Variants in MACROD2 observed in about 807,000 individuals in gnomAD.
MACROD2 encodes ADP-ribose glycohydrolase MACROD2.
In MACROD2, 36 loss-of-function variants were observed where a neutral mutation model predicts 70.4. The ratio of observed to expected loss-of-function variants is 0.51; its 90% CI spans 0.39 to 0.68. The LOEUF (loss-of-function observed/expected upper bound fraction) is 0.68. Among genes scored for constraint, MACROD2 ranks in the 30% least tolerant of loss-of-function variants. The pLI is 0.00. For missense variants in MACROD2, 496 were observed against 538.4 expected, an observed-to-expected ratio of 0.92 and a Z score of 0.78; for synonymous variants, 172 against 178.8, an observed-to-expected ratio of 0.96 and a Z score of 0.30.
chr20:14,321,501 C>T (rs192396380), intron 3 of MACROD2, among the ~76,000 whole-genome samples: 3 of 152,174 alleles, frequency 2.0e-5, no homozygotes, highest in East Asian at 3.9e-4. Flanking sequence ...ACAAAAAGTA[C>T]GGTGTTTGTA....
intron 5 of MACROD2, among the ~76,000 whole-genome samples, chr20:15,110,106 G>A (rs1018367383): frequency 6.6e-6 from 1 of 152,136 alleles, no homozygotes; most frequent in Non-Finnish European, 1.5e-5. Context: ...TAGTGAGTGA[G>A]TGCAGCTTCC....
At chr20:14,480,298 T>C (rs2084648545) in intron 3 of MACROD2, among the ~76,000 whole-genome samples, 1 of 152,240 alleles carries the variant, frequency 6.6e-6, no homozygotes. Flanking sequence ...ATTTGTATTC[T>C]TTATAATTGG....
intron 10 of MACROD2, among the ~76,000 whole-genome samples, chr20:15,915,154 ATCATTGGCCAGTGATGACTGAC>A (rs1361728749): frequency 6.6e-6 from 1 of 152,228 alleles, no homozygotes; most frequent in East Asian, 1.9e-4. Context: ...GATTGATGAA[ATCATTGGCCAGTGATGACTGAC>A]TCAATCCCCA....
At chr20:14,280,697 A>G (rs2082299595) in intron 3 of MACROD2, among the ~76,000 whole-genome samples, 2 of 152,216 alleles carry the variant, frequency 1.3e-5, no homozygotes, top group Admixed American at 1.3e-4. Flanking sequence ...TTATAAAAGC[A>G]ATAAAACATT....
chr20:14,088,190 G>T (rs961787575), intron 3 of MACROD2, among the ~76,000 whole-genome samples: 2 of 151,868 alleles, frequency 1.3e-5, no homozygotes, highest in Non-Finnish European at 2.9e-5. Context: ...TTAGCCAGGC[G>T]TGGTGGCGTG....
At chr20:14,865,625 A>G (rs1294902579) in intron 5 of MACROD2, among the ~76,000 whole-genome samples, 2 of 152,080 alleles carry the variant, frequency 1.3e-5, no homozygotes, top group Non-Finnish European at 2.9e-5. Flanking sequence ...TCCTCTTTTA[A>G]TAATCACTAT....
At chr20:14,558,991 A>T (rs1337658700) in intron 4 of MACROD2, among the ~76,000 whole-genome samples, 1 of 151,778 alleles carries the variant, frequency 6.6e-6, no homozygotes, top group Non-Finnish European at 1.5e-5. Flanking sequence ...ACAAAGATTC[A>T]CAAATGTACT....
At chr20:15,935,521 T>C (rs565955580) in intron 11 of MACROD2, among the ~76,000 whole-genome samples, 30 of 152,358 alleles carry the variant, frequency 2.0e-4, no homozygotes, top group African/African-American at 7.2e-4. Context: ...CTTCTTTTCA[T>C]TCAATATAAT....
At chr20:15,327,623 A>G (rs1478314269) in intron 6 of MACROD2, among the ~76,000 whole-genome samples, 1 of 152,076 alleles carries the variant, frequency 6.6e-6, no homozygotes, top group African/African-American at 2.4e-5. Flanking sequence ...AACTGCCCCC[A>G]TGATTAAATT....
At chr20:15,030,518 C>T (rs1326473521) in intron 5 of MACROD2, among the ~76,000 whole-genome samples, 2 of 152,136 alleles carry the variant, frequency 1.3e-5, no homozygotes, top group Non-Finnish European at 2.9e-5. Context: ...TCTAGTTGCC[C>T]CAGCAGTCAC....
At chr20:15,794,129 A>G (rs934428099) in intron 8 of MACROD2, among the ~76,000 whole-genome samples, 1 of 151,958 alleles carries the variant, frequency 6.6e-6, no homozygotes, top group African/African-American at 2.4e-5. Flanking sequence ...ATTTCTGTTA[A>G]TACAGCTTTA....
chr20:14,337,761 G>C, intron 3 of MACROD2: 1 of 389,426 alleles, frequency 2.6e-6, no homozygotes, highest in Non-Finnish European at 4.5e-6. Flanking sequence ...ACGCTAGAGG[G>C]GGCGAGAGCA....
At chr20:15,909,126 C>T (rs749348343) in intron 10 of MACROD2, among the ~76,000 whole-genome samples, 1 of 152,120 alleles carries the variant, frequency 6.6e-6, no homozygotes, top group Non-Finnish European at 1.5e-5. Flanking sequence ...TTGTCTGAGC[C>T]CTAAGCTTAG....
chr20:14,513,225 C>G (rs1034616428), intron 4 of MACROD2, among the ~76,000 whole-genome samples: 3 of 151,990 alleles, frequency 2.0e-5, no homozygotes, highest in Non-Finnish European at 2.9e-5. Flanking sequence ...TTTTCTGTTT[C>G]TTTAAAGTTA....
intron 4 of MACROD2, among the ~76,000 whole-genome samples, chr20:14,546,615 C>A (rs2085493930): frequency 1.3e-5 from 2 of 152,158 alleles, no homozygotes; most frequent in East Asian, 3.9e-4. Flanking sequence ...TAGCCTCCTG[C>A]CTTTTTACTC....
intron 2 of MACROD2, among the ~76,000 whole-genome samples, chr20:14,074,311 A>G (rs2053888868): frequency 6.6e-6 from 1 of 152,136 alleles, no homozygotes; most frequent in Non-Finnish European, 1.5e-5. Context: ...TTTAACAGTT[A>G]ATGGTCCTGT....
intron 12 of MACROD2, among the ~76,000 whole-genome samples, chr20:15,957,416 C>T (rs1358259597): frequency 6.6e-6 from 1 of 152,096 alleles, no homozygotes; most frequent in Non-Finnish European, 1.5e-5. Context: ...TCCTAAATAA[C>T]AAATAGAGGT....
rs958917167 is a variant in MACROD2, at chr20:15,267,118, C to T, written c.540+37057C>T. On this transcript the variant is annotated intron_variant, in intron 6 of 17. Transcript: ENST00000684519. ...CAAGGCCTGCAGTGAAAAACCTCTA[C>T]GTCCTTCACGATCCCTTAAAAATCT... Among the ~76,000 whole-genome samples, 5 of 152,288 alleles carry T rather than the reference C, an allele frequency of 3.3e-5. No homozygotes were observed. The East Asian group carries it at 5.8e-4, about 18-fold the overall frequency.
In MACROD2 at chr20:14,186,824, C is replaced by A. The variant is rs2081348505; in HGVS notation, c.271+101096C>A. 2.0e-5 allele frequency among the ~76,000 whole-genome samples: 3 copies of A among 152,244 alleles called. No individual in the cohort carries two copies. In the South Asian group the frequency reaches 6.2e-4, roughly 32 times the overall value. ...CATGGATGCAGCTAGAAGCCATTTT[C>A]CTGAGTGAACTAACACAGAAATAGA... On this transcript the variant is annotated intron_variant, in intron 3 of 17. Coordinates refer to ENST00000684519, the MANE Select transcript of MACROD2 (RefSeq NM_001351661.2).
Sources: gnomAD v4.1 joint callset for allele counts (sites outside exome capture counted in the v4.1 genomes callset) on GRCh38, gnomAD v4.1.1 for gene constraint, MANE v1.5 for transcripts, NCBI Gene and HGNC (gene_info 2026-07-23, HGNC 2026-07-21) for gene names.